Variants in MYO1E observed in about 807,000 individuals in gnomAD.
MYO1E encodes the protein myosin IE.
Under a neutral mutation model 151.1 loss-of-function variants are expected in MYO1E, and 68 were observed. That is an observed-to-expected ratio of 0.45 (90% confidence interval 0.37 to 0.55). The LOEUF is 0.55. Among genes scored for constraint, MYO1E ranks in the 20% least tolerant of loss-of-function variants. The pLI is 0.00. For synonymous variants in MYO1E, 601 were observed against 501.7 expected (o/e 1.20, Z -2.64); for missense variants, 1,363 against 1,389.3 (o/e 0.98, Z 0.30).
At chr15:59,249,727 C>T (rs4775138) in intron 4 of MYO1E, among the ~76,000 whole-genome samples, 69,076 of 152,026 alleles carry the variant, frequency 0.45, 19,027 homozygotes, top group Non-Finnish European at 0.63. Context: ...GCCAGAATCC[C>T]TTAGCATGAG....
intron 2 of MYO1E, among the ~76,000 whole-genome samples, chr15:59,265,461 C>T (rs1312427048): frequency 1.3e-5 from 2 of 151,874 alleles, no homozygotes; most frequent in South Asian, 2.1e-4. Flanking sequence ...AAGTAGATTA[C>T]ATAAATTCTG....
chr15:59,289,907 T>A (rs1242592186), intron 1 of MYO1E, among the ~76,000 whole-genome samples: 1 of 152,150 alleles, frequency 6.6e-6, no homozygotes, highest in Non-Finnish European at 1.5e-5. Flanking sequence ...AATACTTACT[T>A]CTCATTGTAT....
At chr15:59,201,281 T>A (rs777056201) in intron 16 of MYO1E, among the ~76,000 whole-genome samples, 8 of 151,944 alleles carry the variant, frequency 5.3e-5, no homozygotes, top group Non-Finnish European at 7.4e-5. Flanking sequence ...TTAGTAGAGA[T>A]GGGGTTCTCA....
chr15:59,227,638 G>A, intron 6 of MYO1E, 48 bp from the exon 7 acceptor site: 1 of 1,608,184 alleles, frequency 6.2e-7, no homozygotes, highest in Non-Finnish European at 8.5e-7. Flanking sequence ...AACAAAACAT[G>A]ATGTCCCAAA....
chr15:59,353,698 A>C (rs1328316831), intron 1 of MYO1E, among the ~76,000 whole-genome samples: 1 of 151,432 alleles, frequency 6.6e-6, no homozygotes, highest in Non-Finnish European at 1.5e-5. Context: ...TGGAGGATGC[A>C]GTGAGCTGAA....
intron 15 of MYO1E, 31 bp downstream of exon 15, chr15:59,205,369 T>A: frequency 6.3e-7 from 1 of 1,599,508 alleles, no homozygotes; most frequent in East Asian, 2.2e-5. Context: ...CAAACCTATA[T>A]CCCCTGTCAG....
At chr15:59,192,093 G>A (rs940712282) in intron 17 of MYO1E, among the ~76,000 whole-genome samples, 6 of 152,160 alleles carry the variant, frequency 3.9e-5, no homozygotes, top group African/African-American at 7.2e-5. Context: ...GCCCTTTCAC[G>A]GACCCTAACA....
In MYO1E at chr15:59,138,443, C is replaced by T. The variant is rs570011989; in HGVS notation, c.3081-76G>A. ...CACCGAACGGTGGTTTGGAGCATGG[C>T]GGCCGGCACTGGCCTGTTCAAGTTC... On this transcript the variant is annotated intron_variant, in intron 26 of 27. Transcript: ENST00000288235. 6.5e-5 allele frequency: 99 copies of T among 1,521,134 alleles called. 1 individual carries two copies. The highest frequency in any genetic ancestry group is 6.0e-4 in the South Asian group (53 of 88,600). The allele number at this position is 1,521,134 out of a possible 1,614,324, so 94.2% of individuals were successfully genotyped here.
At chr15:59,228,630 T>G (rs1488895756) in intron 6 of MYO1E, among the ~76,000 whole-genome samples, 1 of 151,816 alleles carries the variant, frequency 6.6e-6, no homozygotes, top group Non-Finnish European at 1.5e-5. Context: ...GAAGGGTAAA[T>G]ACGGATAAAG....
intron 26 of MYO1E, among the ~76,000 whole-genome samples, chr15:59,146,939 A>G (rs1394895251): frequency 3.3e-5 from 5 of 152,188 alleles, no homozygotes; most frequent in African/African-American, 9.6e-5. Flanking sequence ...TTTTTGCACC[A>G]GGTTCTTTTT....
At chr15:59,140,982 C>A (rs2079405422) in intron 26 of MYO1E, among the ~76,000 whole-genome samples, 1 of 152,166 alleles carries the variant, frequency 6.6e-6, no homozygotes, top group South Asian at 2.1e-4. Flanking sequence ...ACTGGAAATC[C>A]CCATTCCCTG....
At chr15:59,261,369 G>A (rs369384575) in intron 3 of MYO1E, 51 bp downstream of exon 3, 7 of 1,305,596 alleles carry the variant, frequency 5.4e-6, no homozygotes, top group South Asian at 3.5e-5. Flanking sequence ...AACCATGTCT[G>A]CATCATAAAA....
At chr15:59,167,234 G>T (rs1371733559) in intron 22 of MYO1E, among the ~76,000 whole-genome samples, 2 of 152,146 alleles carry the variant, frequency 1.3e-5, no homozygotes, top group African/African-American at 4.8e-5. Flanking sequence ...CGTCTTACGG[G>T]TTGTTTTTCC....
At chr15:59,323,923 C>T (rs1180611444) in intron 1 of MYO1E, among the ~76,000 whole-genome samples, 3 of 151,896 alleles carry the variant, frequency 2.0e-5, no homozygotes, top group Non-Finnish European at 4.4e-5. Flanking sequence ...AGCAAAGACC[C>T]TTCATGAGCC....
chr15:59,346,693 C>A (rs543024243), intron 1 of MYO1E, among the ~76,000 whole-genome samples: 1 of 152,050 alleles, frequency 6.6e-6, no homozygotes, highest in African/African-American at 2.4e-5. Context: ...TTTGGAGGAT[C>A]ACTAGAGCCC....
intron 1 of MYO1E, among the ~76,000 whole-genome samples, chr15:59,371,754 C>T (rs2140448097): frequency 1.3e-5 from 2 of 152,214 alleles, no homozygotes; most frequent in South Asian, 2.1e-4. Context: ...GGGTGGGGTC[C>T]TCTTCAGGAG....
chr15:59,208,113 T>C, intron 14 of MYO1E: 1 of 1,534,522 alleles, frequency 6.5e-7, no homozygotes, highest in South Asian at 1.3e-5. Flanking sequence ...CATTCCGAAA[T>C]TATTGAAGAG....
At chr15:59,220,952 A>C (rs2079951420) in intron 9 of MYO1E, among the ~76,000 whole-genome samples, 1 of 145,752 alleles carries the variant, frequency 6.9e-6, no homozygotes, top group Non-Finnish European at 1.5e-5. Flanking sequence ...AAAAAAGATA[A>C]AGCTCCTTAG....
chr15:59,141,525 A>C (rs374538032), intron 26 of MYO1E, among the ~76,000 whole-genome samples: 25 of 152,342 alleles, frequency 1.6e-4, no homozygotes, highest in East Asian at 1.5e-3. Flanking sequence ...CTGGCTAGGC[A>C]TGGTGGCTCA....
Sources: allele counts gnomAD v4.1 joint callset (sites outside exome capture counted in the v4.1 genomes callset), GRCh38; gene constraint gnomAD v4.1.1; transcripts MANE v1.5; gene names NCBI Gene and HGNC (gene_info 2026-07-23, HGNC 2026-07-21).